Variants in MGAT1 observed in about 807,000 individuals in gnomAD.
MGAT1 encodes alpha-1,3-mannosyl-glycoprotein 2-beta-N-acetylglucosaminyltransferase, also known as N-glycosyl-oligosaccharide-glycoprotein N-acetylglucosaminyltransferase I.
Under a neutral mutation model 31.7 loss-of-function variants are expected in MGAT1, and 14 were observed. The observed-to-expected ratio is 0.44, with a 90% confidence interval of 0.29 to 0.69. The LOEUF is 0.69. MGAT1 is among the 30% of genes least tolerant of loss of function. MGAT1 has a pLI of 0.12. For synonymous variants in MGAT1, 338 were observed against 276.0 expected, an observed-to-expected ratio of 1.22 and a Z score of -2.23; for missense variants, 557 against 626.0, an observed-to-expected ratio of 0.89 and a Z score of 1.18.
At position 180,791,787 on chromosome 5, in the gene MGAT1, C is replaced by T; in HGVS notation, c.1185G>A (p.Lys395=). The change falls in exon 2 of 2, where the codon AAG becomes AAA. Residue 395 remains lysine (K), a synonymous_variant. Coordinates refer to ENST00000307826, the MANE Select transcript of MGAT1 (RefSeq NM_002406.4). ...TGACACCCAGAGCCTTGGCGAAAGC[C>T]TTGAAGCTGTCCCTGCCCGTATACT... ...RVQYTGRDSF[K]AFAKALGVMD... 6.2e-7 allele frequency: 1 copy of T among 1,614,184 alleles called. No homozygotes were observed. The highest frequency in any genetic ancestry group is 1.1e-5 in the South Asian group (1 of 91,090).
chr5:180,807,620 C>T (rs547376840), upstream of MGAT1, among the ~76,000 whole-genome samples: 1 of 152,338 alleles, frequency 6.6e-6, no homozygotes, highest in Non-Finnish European at 1.5e-5. Flanking sequence ...AGCATCCTTC[C>T]ACCCCCTCTT....
intron 1 of MGAT1, chr5:180,810,664 G>C (rs953119486): frequency 7.2e-6 from 1 of 139,548 alleles, no homozygotes; most frequent in African/African-American, 3.2e-5. Flanking sequence ...TTCTCAAAAA[G>C]GGTGACCCCC....
upstream of MGAT1, among the ~76,000 whole-genome samples, chr5:180,805,725 G>A (rs186630598): frequency 1.3e-5 from 2 of 152,168 alleles, no homozygotes; most frequent in African/African-American, 4.8e-5. Context: ...ACTCCAGCCT[G>A]GGTGACAGAG....
intron 1 of MGAT1, chr5:180,795,585 TAG>T (rs1442427623): frequency 6.6e-6 from 1 of 152,162 alleles, no homozygotes; most frequent in Non-Finnish European, 1.5e-5. Flanking sequence ...TCTGCACACA[TAG>T]AGAGCAAATG....
upstream of MGAT1, among the ~76,000 whole-genome samples, chr5:180,804,573 G>T (rs1200242291): frequency 6.6e-6 from 1 of 152,262 alleles, no homozygotes; most frequent in Non-Finnish European, 1.5e-5. Flanking sequence ...GCCAGTGTCT[G>T]TCACCTCTGC....
At chr5:180,796,509 A>C (rs1316081119) in intron 1 of MGAT1, among the ~76,000 whole-genome samples, 1 of 152,256 alleles carries the variant, frequency 6.6e-6, no homozygotes, top group Non-Finnish European at 1.5e-5. Context: ...GGGGCCATAC[A>C]GATGGATGAA....
rs1767695458 is a variant in MGAT1 at position 180,788,038 on chromosome 5, CAG to C, written c.*3594_*3595del. On this transcript the variant is annotated 3_prime_UTR_variant, in exon 2 of 2. Transcript: ENST00000307826. ...GGCAGAAGCAGGAATGCAGCAGCAG[CAG>C]CAGCCAGGCGCAAGGCAGCTCTGTA... The C allele has an allele frequency of 6.4e-6, 1 of 155,744 alleles. No individual in the cohort carries two copies. The highest frequency in any genetic ancestry group is 2.4e-5 in the African/African-American group (1 of 41,512). The allele number at this position is 155,744 out of a possible 1,614,324, so 9.6% of individuals were successfully genotyped here. A position where few individuals can be genotyped will look rare whatever the true frequency, so the allele number is the denominator to read the frequency against.
In MGAT1 at chr5:180,790,338, C is replaced by G. The variant is rs1202079951; in HGVS notation, c.*1296G>C. The G allele has an allele frequency of 6.6e-6, 1 of 152,378 alleles. No homozygotes were observed. The highest frequency in any genetic ancestry group is 2.4e-5 in the African/African-American group (1 of 41,416). 9.4% of individuals were successfully genotyped at this position (152,378 alleles called of 1,614,324 possible). A position where few individuals can be genotyped will look rare whatever the true frequency, so the allele number is the denominator to read the frequency against. On this transcript the variant is annotated 3_prime_UTR_variant, in exon 2 of 2. Coordinates refer to ENST00000307826, the MANE Select transcript of MGAT1 (RefSeq NM_002406.4). ...ATCAGCAGGAGCACAGTCCGGGGCT[C>G]CTCTCCACCTTGTGGCCTGGACTTC...
upstream of MGAT1, among the ~76,000 whole-genome samples, chr5:180,806,603 C>A (rs1228132888): frequency 6.6e-6 from 1 of 152,196 alleles, no homozygotes; most frequent in Non-Finnish European, 1.5e-5. Flanking sequence ...AACAGCACAG[C>A]ACTGGGAGGT....
At chr5:180,814,866 G>C (rs547164713) in intron 1 of MGAT1, among the ~76,000 whole-genome samples, 16 of 152,034 alleles carry the variant, frequency 1.1e-4, no homozygotes, top group Admixed American at 9.2e-4. Context: ...CTTGAACCCG[G>C]GGGGGCGGTG....
At position 180,792,024 on chromosome 5, in the gene MGAT1, G is replaced by T. The variant is rs754432049; in HGVS notation, c.948C>A (p.Arg316=). ...AGAACTGCCCGTGGCTCACACCCTTGCGGCCAAAGGTCATCGTTCTTGAGA... is the reference window on the plus strand; with the variant it reads ...AGAACTGCCCGTGGCTCACACCCTTTCGGCCAAAGGTCATCGTTCTTGAGA... ...PEISRTMTFG[R]KGVSHGQFFD... is the part of the protein sequence containing the mutation. Residue 316 remains arginine, a synonymous_variant, in exon 2 of 2, where the codon CGC becomes CGA. Coordinates refer to ENST00000307826, the MANE Select transcript of MGAT1 (RefSeq NM_002406.4). The T allele has an allele frequency of 1.9e-6, 3 of 1,614,082 alleles. No individual in the cohort carries two copies. The highest frequency in any genetic ancestry group is 2.5e-6 in the Non-Finnish European group (3 of 1,180,038).
At position 180,792,130 on chromosome 5, in the gene MGAT1, G is replaced by C. The variant is rs150019176; in HGVS notation, c.842C>G (p.Pro281Arg). The C allele has an allele frequency of 9.3e-6, 15 of 1,613,078 alleles. No individual in the cohort carries two copies. The highest frequency in any genetic ancestry group is 1.3e-5 in the Non-Finnish European group (15 of 1,179,964). ...GTCCCAGAAGGCCTTTGGCCACTTG[G>C]GCTCCAGCTCAGCCCAGAGCTCGGC... ...LLAELWAELE[P>R]KWPKAFWDDW... is the part of the protein sequence containing the mutation. Residue 281 changes from proline (P) to arginine (R), a missense_variant, in exon 2 of 2, where the codon CCC becomes CGC. Physicochemically the swap from Pro to Arg is moderately radical, Grantham distance 103. Around this residue, in one of 3 missense-constraint regions of MGAT1, gnomAD observed 245 missense variants for 332.9 expected, o/e 0.74. Coordinates refer to ENST00000307826, the MANE Select transcript of MGAT1 (RefSeq NM_002406.4).
At chr5:180,812,251 T>G (rs1420848006) in intron 1 of MGAT1, among the ~76,000 whole-genome samples, 2 of 152,258 alleles carry the variant, frequency 1.3e-5, no homozygotes, top group African/African-American at 2.4e-5. Flanking sequence ...AAAGCTACTT[T>G]CACCGCAGAG....
chr5:180,806,456 A>C (rs561078172), upstream of MGAT1, among the ~76,000 whole-genome samples: 7 of 152,314 alleles, frequency 4.6e-5, no homozygotes, highest in Admixed American at 1.3e-4. Context: ...GAGGGTGGGA[A>C]GGTCAGGGAG....
intron 1 of MGAT1, among the ~76,000 whole-genome samples, chr5:180,794,550 G>A (rs1023255278): frequency 1.3e-5 from 2 of 152,034 alleles, no homozygotes; most frequent in Non-Finnish European, 2.9e-5. Context: ...AATCTAATAT[G>A]TAATAAAGGT....
At chr5:180,812,550 A>G (rs1772640985) in intron 1 of MGAT1, among the ~76,000 whole-genome samples, 1 of 152,076 alleles carries the variant, frequency 6.6e-6, no homozygotes, top group South Asian at 2.1e-4. Context: ...TATTTTTTAT[A>G]CACACGCACA....
chr5:180,811,337 A>G (rs565040393), intron 1 of MGAT1: 1 of 152,268 alleles, frequency 6.6e-6, no homozygotes, highest in South Asian at 2.1e-4. Context: ...GGAACGATAT[A>G]ATTTTTGGAA....
Position 180,786,190 on chromosome 5 carries a change from G to A in MGAT1, c.*5444C>T, listed in dbSNP as rs577717101. 5 of 152,362 alleles carry A rather than the reference G, an allele frequency of 3.3e-5. No individual in the cohort carries two copies. The highest frequency in any genetic ancestry group is 3.9e-4 in the East Asian group (2 of 5,182). 9.4% of individuals were successfully genotyped at this position (152,362 alleles called of 1,614,324 possible). ...TGTGCCCTTGTCAGTCAGCACTTCC[G>A]GGGCTGTGTGTGGCCTTCAGGAATT... On this transcript the variant is annotated 3_prime_UTR_variant, in exon 2 of 2. Transcript: ENST00000307826.
Position 180,797,429 on chromosome 5 carries a change from A to AGGGG in MGAT1, c.-126-4336_-126-4333dup, listed in dbSNP as rs796983204. 6.6e-5 allele frequency among the ~76,000 whole-genome samples: 6 copies of AGGGG among 90,426 alleles called. No homozygotes were observed. In the East Asian group the frequency reaches 1.4e-3, roughly 21 times the overall value. The allele number at this position is 90,426 out of a possible 152,430, so 59.3% of individuals were successfully genotyped here. On this transcript the variant is annotated intron_variant, in intron 1 of 1. Transcript: ENST00000307826. ...ACCAAAAAAAAAAAAAAAAAAAAAA[A>AGGGG]GGGGGGGGGGGCCCAGAGGGATAGC...
Sources: gnomAD v4.1 joint callset for allele counts (sites outside exome capture counted in the v4.1 genomes callset) on GRCh38, gnomAD v4.1.1 for gene constraint, gnomAD v4.1.1 regional missense constraint, MANE v1.5 for transcripts, NCBI Gene and HGNC (gene_info 2026-07-23, HGNC 2026-07-21) for gene names.